Variants in SDC1 observed in about 807,000 individuals in gnomAD.
SDC1 encodes syndecan 1, also known as syndecan-1.
Under a neutral mutation model 29.7 loss-of-function variants are expected in SDC1, and 14 were observed. That is an observed-to-expected ratio of 0.47 (90% CI 0.31 to 0.74). The LOEUF (loss-of-function observed/expected upper bound fraction) is 0.74. Among genes scored for constraint, SDC1 ranks in the 30% least tolerant of loss-of-function variants. The pLI is 0.05. For missense variants in SDC1, 406 were observed against 400.3 expected (o/e 1.01, Z -0.12); for synonymous variants, 204 against 175.5 (o/e 1.16, Z -1.29).
At chr2:20,218,810 C>A (rs1677719441) in intron 1 of SDC1, among the ~76,000 whole-genome samples, 2 of 151,628 alleles carry the variant, frequency 1.3e-5, no homozygotes, top group African/African-American at 2.4e-5. Context: ...CACAGACATA[C>A]ACACGCAGAC....
At chr2:20,207,144 C>T (rs2148284930) in intron 1 of SDC1, among the ~76,000 whole-genome samples, 1 of 152,352 alleles carries the variant, frequency 6.6e-6, no homozygotes. Context: ...CCTCCTGCCT[C>T]CTGAGGCAGC....
chr2:20,209,350 G>A (rs76163213), intron 1 of SDC1, among the ~76,000 whole-genome samples: 21 of 152,212 alleles, frequency 1.4e-4, no homozygotes, highest in African/African-American at 4.3e-4. Context: ...ACAACTCCCC[G>A]TGCAGCAGCA....
chr2:20,223,906 C>G (rs976320148), intron 1 of SDC1, among the ~76,000 whole-genome samples: 1 of 152,290 alleles, frequency 6.6e-6, no homozygotes, highest in African/African-American at 2.4e-5. Context: ...CCTCTTACAG[C>G]CCCGAGCTCC....
rs1344945536 is a variant in SDC1, at chr2:20,207,980, C to T, written c.67-2556G>A. On this transcript the variant is annotated intron_variant, in intron 1 of 4. Transcript: ENST00000254351. ...GACTCTGCCCTGCCCTCTCCTGCTG[C>T]ACCGCCTCCCCCAAGAGAAAGCTCA... 6 of 985,330 alleles carry T rather than the reference C, an allele frequency of 6.1e-6. No homozygotes were observed. In the Admixed American group the frequency reaches 1.8e-4, roughly 30 times the overall value. 61.0% of individuals were successfully genotyped at this position (985,330 alleles called of 1,614,324 possible).
In SDC1 at chr2:20,218,984, C is replaced by T. The variant is rs145285285; in HGVS notation, c.66+5818G>A. 7.4e-4 allele frequency among the ~76,000 whole-genome samples: 113 copies of T among 152,244 alleles called. No individual in the cohort carries two copies. In the East Asian group the frequency reaches 0.019, roughly 25 times the overall value. On this transcript the variant is annotated intron_variant, in intron 1 of 4. Coordinates refer to ENST00000254351, the MANE Select transcript of SDC1 (RefSeq NM_002997.5). ...CCATAAAAGCCAGGAGGTCAGAGAC[C>T]CTTGAGGGGCTCCCAGTGGGGAGAG...
intron 1 of SDC1, among the ~76,000 whole-genome samples, chr2:20,215,065 C>T (rs80332086): frequency 6.6e-6 from 1 of 152,242 alleles, no homozygotes; most frequent in African/African-American, 2.4e-5. Flanking sequence ...CCACCCATCA[C>T]AGTGAAGCCC....
intron 1 of SDC1, among the ~76,000 whole-genome samples, chr2:20,212,247 C>T (rs1024094283): frequency 1.3e-5 from 2 of 152,210 alleles, no homozygotes; most frequent in Admixed American, 1.3e-4. Flanking sequence ...TGGGGATAGT[C>T]TGGTGACAGT....
intron 1 of SDC1, among the ~76,000 whole-genome samples, chr2:20,211,092 T>G: frequency 6.6e-6 from 1 of 152,134 alleles, no homozygotes; most frequent in East Asian, 1.9e-4. Flanking sequence ...GACACCATAC[T>G]GGCTGAGGGT....
At chr2:20,219,798 G>A (rs901046795) in intron 1 of SDC1, among the ~76,000 whole-genome samples, 3 of 152,166 alleles carry the variant, frequency 2.0e-5, no homozygotes, top group Non-Finnish European at 4.4e-5. Flanking sequence ...CCCGGCAATC[G>A]CCTAATGACC....
chr2:20,202,579 A>G lies in SDC1; in HGVS notation c.*187T>C. On this transcript the variant is annotated 3_prime_UTR_variant, in exon 5 of 5. Coordinates refer to ENST00000254351, the MANE Select transcript of SDC1 (RefSeq NM_002997.5). ...CCCCTGGTGCCCTAAGTCTCCAGGC[A>G]GAAGTCAGAGAAGCAGAGTGGAGCT... 1.5e-6 allele frequency: 1 copy of G among 646,222 alleles called. No individual in the cohort carries two copies. The highest frequency in any genetic ancestry group is 2.7e-6 in the Non-Finnish European group (1 of 367,852). The allele number at this position is 646,222 out of a possible 1,614,324, so 40.0% of individuals were successfully genotyped here.
In SDC1 at chr2:20,201,944, G is replaced by A. The variant is rs1394486699; in HGVS notation, c.*822C>T. On this transcript the variant is annotated 3_prime_UTR_variant, in exon 5 of 5. Transcript: ENST00000254351. The stretch of plus-strand genomic sequence containing the variant: ...TGCTTGAAAGAGGCGGCGGCCCCAC[G>A]GCAGCCTGGACTGGCCAGCCTGCCA... The A allele has an allele frequency of 4.6e-5, 13 of 283,548 alleles. No individual in the cohort carries two copies. Among genetic ancestry groups the A allele is most frequent in the African/African-American group, 1.1e-4 (5 of 44,974 alleles). 17.6% of individuals were successfully genotyped at this position (283,548 alleles called of 1,614,324 possible).
In SDC1 at chr2:20,204,064, T is replaced by A; in HGVS notation, c.376A>T (p.Arg126Trp). ...AREQEATPRPRETTQLPTTHL... is the reference protein window; with the variant it reads ...AREQEATPRPWETTQLPTTHL... Reference sequence around the variant, plus strand: ...GTGGTCGGGAGCTGTGTGGTCTCCCTGGGTCGGGGGGTGGCCTCCTGCTCC... The same window carrying A: ...GTGGTCGGGAGCTGTGTGGTCTCCCAGGGTCGGGGGGTGGCCTCCTGCTCC... The change falls in exon 3 of 5, where the codon AGG becomes TGG. Residue 126 changes from arginine (R) to tryptophan (W), a missense_variant. Transcript: ENST00000254351. 1 of 1,611,350 alleles carries A rather than the reference T, an allele frequency of 6.2e-7. No homozygotes were observed. The highest frequency in any genetic ancestry group is 8.5e-7 in the Non-Finnish European group (1 of 1,179,392).
intron 3 of SDC1, 80 bp downstream of exon 3, chr2:20,203,733 G>A (rs536090380): frequency 9.5e-7 from 1 of 1,057,422 alleles, no homozygotes; most frequent in African/African-American, 1.6e-5. Context: ...ATGCCCGCAG[G>A]GCACAGGTGT....
chr2:20,219,118 A>G (rs1677730066), intron 1 of SDC1, among the ~76,000 whole-genome samples: 1 of 152,038 alleles, frequency 6.6e-6, no homozygotes. Flanking sequence ...CTCCTGACTC[A>G]ATGGCCCCAA....
rs369721425 is a variant in SDC1, at chr2:20,209,856, A to G, written c.67-4432T>C. 6.6e-5 allele frequency among the ~76,000 whole-genome samples: 10 copies of G among 152,360 alleles called. No individual in the cohort carries two copies. In the East Asian group the frequency reaches 1.4e-3, roughly 21 times the overall value. On this transcript the variant is annotated intron_variant, in intron 1 of 4. Transcript: ENST00000254351. ...GGCTGCCTCAGAAGCCAGGATGTCCAGTGGGCATCTCAGACAGGTTCGACG... is the reference window on the plus strand; with the variant it reads ...GGCTGCCTCAGAAGCCAGGATGTCCGGTGGGCATCTCAGACAGGTTCGACG...
rs564559692 is a variant in SDC1, at chr2:20,214,322, G to C, written c.67-8898C>G. 4.6e-5 allele frequency among the ~76,000 whole-genome samples: 7 copies of C among 152,338 alleles called. No individual in the cohort carries two copies. The East Asian group carries it at 1.4e-3, about 29-fold the overall frequency. On this transcript the variant is annotated intron_variant, in intron 1 of 4. Transcript: ENST00000254351. Reference sequence around the variant, plus strand: ...ACAATTCAGATTGAGTAAGCACTGAGGCTGCTGAGAAGCCCAGAGACACGG... The same window carrying C: ...ACAATTCAGATTGAGTAAGCACTGACGCTGCTGAGAAGCCCAGAGACACGG...
intron 1 of SDC1, among the ~76,000 whole-genome samples, chr2:20,208,422 C>G (rs547416702): frequency 1.4e-4 from 21 of 152,362 alleles, no homozygotes; most frequent in Middle Eastern, 6.8e-3. Flanking sequence ...CTCTCCCCTC[C>G]CTGGGCCTTC....
At position 20,202,415 on chromosome 2, in the gene SDC1, G is replaced by T; in HGVS notation, c.*351C>A. ...CCGCAGGATCTTCCAGCCACATGAG[G>T]CCATTTAGGTCCAAAGCAGTCGGAT... On this transcript the variant is annotated 3_prime_UTR_variant, in exon 5 of 5. Transcript: ENST00000254351. The T allele has an allele frequency of 1.5e-6, 1 of 664,046 alleles. No individual in the cohort carries two copies. Among genetic ancestry groups the T allele is most frequent in the Non-Finnish European group, 2.7e-6 (1 of 364,276 alleles). The allele number at this position is 664,046 out of a possible 1,614,324, so 41.1% of individuals were successfully genotyped here. A position where few individuals can be genotyped will look rare whatever the true frequency, so the allele number is the denominator to read the frequency against.
chr2:20,223,222 C>G (rs1677876919), intron 1 of SDC1: 1 of 1,300,320 alleles, frequency 7.7e-7, no homozygotes. Flanking sequence ...AGGGAGGGCG[C>G]TTTACACATC....
Sources: allele counts gnomAD v4.1 joint callset (sites outside exome capture counted in the v4.1 genomes callset), GRCh38; gene constraint gnomAD v4.1.1; transcripts MANE v1.5; gene names NCBI Gene and HGNC (gene_info 2026-07-23, HGNC 2026-07-21).